SHC4: variants seen among roughly 807,000 people sequenced by gnomAD.
SHC4 encodes the protein SHC-transforming protein 4.
In SHC4, 41 loss-of-function variants were observed where a neutral mutation model predicts 69.4. The observed-to-expected ratio is 0.59, with a 90% CI of 0.46 to 0.77. The LOEUF (loss-of-function observed/expected upper bound fraction) is 0.77. Among genes scored for constraint, SHC4 ranks in the 30% least tolerant of loss-of-function variants. The pLI, the probability that SHC4 is intolerant of heterozygous loss-of-function variation, is 0.00. For missense variants in SHC4, 777 were observed against 783.8 expected, an observed-to-expected ratio of 0.99 and a Z score of 0.10; for synonymous variants, 318 against 299.3, an observed-to-expected ratio of 1.06 and a Z score of -0.64.
chr15:48,850,254 T>C (rs1899184761), intron 9 of SHC4, among the ~76,000 whole-genome samples: 2 of 151,070 alleles, frequency 1.3e-5, no homozygotes, highest in South Asian at 4.2e-4. Flanking sequence ...TAAACTAAAA[T>C]AAAATGTTGC....
intron 2 of SHC4, among the ~76,000 whole-genome samples, chr15:48,906,644 G>A (rs947539260): frequency 1.3e-5 from 2 of 152,164 alleles, no homozygotes; most frequent in African/African-American, 4.8e-5. Flanking sequence ...TTGGAACTAA[G>A]AGAACCAGAG....
intron 1 of SHC4, among the ~76,000 whole-genome samples, chr15:48,955,404 A>G (rs1290108071): frequency 6.6e-6 from 1 of 152,180 alleles, no homozygotes; most frequent in Non-Finnish European, 1.5e-5. Flanking sequence ...ATTGGGGTCC[A>G]GGCTTGGTTC....
intron 10 of SHC4, among the ~76,000 whole-genome samples, chr15:48,842,190 T>G (rs1051381723): frequency 2.0e-5 from 3 of 152,250 alleles, no homozygotes; most frequent in African/African-American, 7.2e-5. Flanking sequence ...GATAGTAATT[T>G]GGCAGGAAAG....
intron 10 of SHC4, 90 bp from the exon 11 acceptor site, chr15:48,835,112 G>A: frequency 1.4e-6 from 2 of 1,434,036 alleles, no homozygotes; most frequent in East Asian, 2.5e-5. Flanking sequence ...ATAACCTGAG[G>A]TCCTACTGTG....
chr15:48,848,733 C>T (rs1292643240), intron 9 of SHC4, among the ~76,000 whole-genome samples: 2 of 152,142 alleles, frequency 1.3e-5, no homozygotes, highest in Non-Finnish European at 1.5e-5. Flanking sequence ...TGCAAGACTA[C>T]ACTTACAAAA....
At chr15:48,869,152 GA>G in intron 5 of SHC4, among the ~76,000 whole-genome samples, 1 of 152,310 alleles carries the variant, frequency 6.6e-6, no homozygotes, top group African/African-American at 2.4e-5. Context: ...AATAGCAGGG[GA>G]AAATATGTTT....
In SHC4 at chr15:48,856,111, T is replaced by C; in HGVS notation, c.1084A>G (p.Ile362Val). The C allele has an allele frequency of 6.2e-7, 1 of 1,613,178 alleles. No homozygotes were observed. Among genetic ancestry groups the C allele is most frequent in the Non-Finnish European group, 8.5e-7 (1 of 1,179,486 alleles). ...TCTCTCTCCTCGGCATGGCTATCAATATGCACCTCCTCACTGTGAAGGAAA... is the reference window on the plus strand; with the variant it reads ...TCTCTCTCCTCGGCATGGCTATCAACATGCACCTCCTCACTGTGAAGGAAA... ...NTSCESEEVH[I>V]DSHAEEREDH... The change falls in exon 8 of 12, where the codon ATT becomes GTT. Residue 362 changes from isoleucine to valine, a missense_variant. Transcript: ENST00000332408.
intron 10 of SHC4, among the ~76,000 whole-genome samples, chr15:48,839,278 A>C (rs1898950324): frequency 6.6e-6 from 1 of 152,222 alleles, no homozygotes; most frequent in Admixed American, 6.5e-5. Context: ...AGGAAACTAC[A>C]TCGCCAAAGA....
At chr15:48,870,845 A>G (rs1899660238) in intron 5 of SHC4, among the ~76,000 whole-genome samples, 1 of 152,260 alleles carries the variant, frequency 6.6e-6, no homozygotes, top group Non-Finnish European at 1.5e-5. Context: ...GAACCTGCTT[A>G]AATGCTTTAG....
rs1269237936 is a variant in SHC4 at position 48,943,266 on chromosome 15, TC to T, written c.586-18318del. ...CCTATACCTCACCATTTTCTCCCGCTCCCTGGCCCTTGTAACCCCTGTTCTA... is the reference window on the plus strand; with the variant it reads ...CCTATACCTCACCATTTTCTCCCGCTCCTGGCCCTTGTAACCCCTGTTCTA... On this transcript the variant is annotated intron_variant, in intron 1 of 11. Coordinates refer to ENST00000332408, the MANE Select transcript of SHC4 (RefSeq NM_203349.4). Among the ~76,000 whole-genome samples, 4 of 152,158 alleles carry T rather than the reference TC, an allele frequency of 2.6e-5. No homozygotes were observed. In the East Asian group the frequency reaches 7.7e-4, roughly 29 times the overall value.
intron 9 of SHC4, 69 bp downstream of exon 9, chr15:48,851,119 G>A (rs1365459719): frequency 3.4e-6 from 5 of 1,473,874 alleles, no homozygotes; most frequent in South Asian, 1.2e-5. Flanking sequence ...TAAGAGCAAG[G>A]GCCACATATG....
At chr15:48,940,197 C>G (rs148954288) in intron 1 of SHC4, among the ~76,000 whole-genome samples, 112 of 152,306 alleles carry the variant, frequency 7.4e-4, no homozygotes, top group Admixed American at 1.6e-3. Flanking sequence ...AATGACCTAC[C>G]AATTATATTT....
chr15:48,904,890 A>G (rs1450687686), intron 2 of SHC4, among the ~76,000 whole-genome samples: 3 of 151,072 alleles, frequency 2.0e-5, no homozygotes, highest in Non-Finnish European at 4.4e-5. Flanking sequence ...ACAGTATGAG[A>G]TCCTGTCTCT....
intron 2 of SHC4, among the ~76,000 whole-genome samples, chr15:48,904,920 A>G (rs1050729014): frequency 2.1e-5 from 3 of 141,566 alleles, no homozygotes; most frequent in African/African-American, 8.0e-5. Flanking sequence ...ACACACGCAC[A>G]CACACACACA....
intron 10 of SHC4, 71 bp downstream of exon 10, chr15:48,843,338 T>C (rs1899027160): frequency 3.5e-6 from 5 of 1,445,388 alleles, no homozygotes; most frequent in Non-Finnish European, 4.7e-6. Context: ...TGTGAAAGAA[T>C]AAATTTCTGT....
chr15:48,901,514 A>C (rs909516234), intron 2 of SHC4, among the ~76,000 whole-genome samples: 5 of 152,356 alleles, frequency 3.3e-5, no homozygotes, highest in African/African-American at 1.2e-4. Context: ...AGGCAGATGG[A>C]AACAAATTAT....
chr15:48,884,047 T>C (rs1173255415), intron 4 of SHC4, among the ~76,000 whole-genome samples: 4 of 152,236 alleles, frequency 2.6e-5, no homozygotes, highest in Non-Finnish European at 5.9e-5. Context: ...GGGACACCTA[T>C]GTAGGTGGTT....
intron 11 of SHC4, among the ~76,000 whole-genome samples, chr15:48,830,760 C>T (rs1313244673): frequency 6.6e-6 from 1 of 152,112 alleles, no homozygotes; most frequent in Non-Finnish European, 1.5e-5. Context: ...TATCTGCGTA[C>T]GAGCAAATCT....
At chr15:48,908,953 C>G (rs1314683676) in intron 2 of SHC4, among the ~76,000 whole-genome samples, 1 of 152,058 alleles carries the variant, frequency 6.6e-6, no homozygotes, top group Non-Finnish European at 1.5e-5. Context: ...GACTATGGCA[C>G]TATAGTATCG....
Sources: allele counts gnomAD v4.1 joint callset (sites outside exome capture counted in the v4.1 genomes callset), GRCh38; gene constraint gnomAD v4.1.1; transcripts MANE v1.5; gene names NCBI Gene and HGNC (gene_info 2026-07-23, HGNC 2026-07-21).